The following CAMK1D variants were observed in gnomAD, a reference collection of about 807,000 sequenced individuals.
The protein encoded by CAMK1D is calcium/calmodulin dependent protein kinase ID.
In CAMK1D, 9 loss-of-function variants were observed where a neutral mutation model predicts 47.7. That is an observed-to-expected ratio of 0.19 (90% confidence interval 0.11 to 0.33). The LOEUF (loss-of-function observed/expected upper bound fraction) is 0.33, where lower values mean the gene tolerates loss of function less well. CAMK1D is among the 10% of genes least tolerant of loss of function. CAMK1D has a pLI of 1.00. For synonymous variants in CAMK1D, 184 were observed against 184.9 expected (o/e 0.99, Z 0.04); for missense variants, 291 against 488.7 (o/e 0.60, Z 3.81).
chr10:12,639,911 G>A (rs1202608671), intron 2 of CAMK1D, among the ~76,000 whole-genome samples: 2 of 152,004 alleles, frequency 1.3e-5, no homozygotes, highest in Non-Finnish European at 1.5e-5. Context: ...GCTTCTATGC[G>A]CCTGGAATTC....
intron 1 of CAMK1D, among the ~76,000 whole-genome samples, chr10:12,416,905 C>T (rs1489918310): frequency 1.3e-5 from 2 of 152,130 alleles, no homozygotes; most frequent in African/African-American, 2.4e-5. Flanking sequence ...TGGTAGACTC[C>T]CTAAAAACCT....
chr10:12,629,186 C>T (rs1430615577), intron 2 of CAMK1D, among the ~76,000 whole-genome samples: 2 of 152,210 alleles, frequency 1.3e-5, no homozygotes, highest in Non-Finnish European at 2.9e-5. Context: ...CTTTAATCTC[C>T]ACTCCACTGT....
At chr10:12,747,426 C>G (rs1835737898) in intron 3 of CAMK1D, among the ~76,000 whole-genome samples, 1 of 152,140 alleles carries the variant, frequency 6.6e-6, no homozygotes, top group Non-Finnish European at 1.5e-5. Context: ...TTGTCTCAGC[C>G]TCTTGAATAG....
chr10:12,831,715 A>G lies in CAMK1D; in HGVS notation c.*2828A>G, dbSNP rs1455823148. On this transcript the variant is annotated 3_prime_UTR_variant, in exon 11 of 11. Coordinates refer to ENST00000619168, the MANE Select transcript of CAMK1D (RefSeq NM_153498.4). ...TCAGCCCAAGAGTCAACTGTTGAGC[A>G]TGACATCAGGAAGCCTGTACTGTCC... 1 of 152,256 alleles carries G rather than the reference A, an allele frequency of 6.6e-6. No individual in the cohort carries two copies. The highest frequency in any genetic ancestry group is 2.4e-5 in the African/African-American group (1 of 41,468). 9.4% of individuals were successfully genotyped at this position (152,256 alleles called of 1,614,324 possible). A position where few individuals can be genotyped will look rare whatever the true frequency, so the allele number is the denominator to read the frequency against.
chr10:12,814,395 G>C (rs1832721265), intron 7 of CAMK1D, 88 bp downstream of exon 7: 1 of 788,936 alleles, frequency 1.3e-6, no homozygotes, highest in Non-Finnish European at 2.2e-6. Flanking sequence ...AGGGGACCCT[G>C]GGGGGCTCAG....
chr10:12,675,423 A>G (rs545141046), intron 3 of CAMK1D, among the ~76,000 whole-genome samples: 6 of 152,224 alleles, frequency 3.9e-5, no homozygotes, highest in East Asian at 1.9e-4. Flanking sequence ...CCTGCTGTCT[A>G]TCTCATCTTA....
intron 3 of CAMK1D, among the ~76,000 whole-genome samples, chr10:12,674,883 T>C (rs1840752638): frequency 6.6e-6 from 1 of 151,604 alleles, no homozygotes; most frequent in African/African-American, 2.4e-5. Context: ...AATACAAAAA[T>C]TAGCTCGGTG....
intron 2 of CAMK1D, among the ~76,000 whole-genome samples, chr10:12,612,259 C>T (rs996816574): frequency 6.6e-5 from 10 of 151,708 alleles, no homozygotes; most frequent in Admixed American, 2.6e-4. Flanking sequence ...AAAATAACTT[C>T]GGAGGGAGAG....
At chr10:12,691,873 G>A (rs185201549) in intron 3 of CAMK1D, among the ~76,000 whole-genome samples, 11 of 152,206 alleles carry the variant, frequency 7.2e-5, no homozygotes, top group Admixed American at 4.6e-4. Flanking sequence ...TGTAATTCGC[G>A]TTACATTTAT....
intron 2 of CAMK1D, among the ~76,000 whole-genome samples, chr10:12,625,337 A>C (rs1284374279): frequency 8.9e-6 from 1 of 112,284 alleles, no homozygotes; most frequent in Non-Finnish European, 1.6e-5. Flanking sequence ...CTCCATGTAC[A>C]AAAAAAAAAA....
chr10:12,534,452 C>A (rs1835906441), intron 1 of CAMK1D, among the ~76,000 whole-genome samples: 2 of 152,212 alleles, frequency 1.3e-5, no homozygotes, highest in African/African-American at 4.8e-5. Flanking sequence ...CTGCTACCTC[C>A]ACCTCCTGGG....
intron 4 of CAMK1D, among the ~76,000 whole-genome samples, chr10:12,767,336 C>T (rs1836814155): frequency 6.6e-6 from 1 of 152,074 alleles, no homozygotes; most frequent in Non-Finnish European, 1.5e-5. Flanking sequence ...CGCCACCATG[C>T]CTGGGTAATT....
chr10:12,685,950 C>G (rs1832643382), intron 3 of CAMK1D, among the ~76,000 whole-genome samples: 1 of 152,180 alleles, frequency 6.6e-6, no homozygotes, highest in Non-Finnish European at 1.5e-5. Flanking sequence ...CCAGCACTTC[C>G]AGACTACAGC....
chr10:12,606,020 T>G (rs1220903667), intron 2 of CAMK1D, among the ~76,000 whole-genome samples: 1 of 152,218 alleles, frequency 6.6e-6, no homozygotes, highest in African/African-American at 2.4e-5. Flanking sequence ...TAGGCCTGAC[T>G]TCTAGGGCAC....
chr10:12,417,743 T>C (rs1409278347), intron 1 of CAMK1D, among the ~76,000 whole-genome samples: 3 of 151,878 alleles, frequency 2.0e-5, no homozygotes, highest in East Asian at 1.9e-4. Context: ...TACACTCTTA[T>C]GTGGAAGGCC....
intron 2 of CAMK1D, among the ~76,000 whole-genome samples, chr10:12,583,646 G>C (rs7913605): frequency 0.031 from 4,623 of 149,606 alleles, 232 homozygotes; most frequent in African/African-American, 0.11. Context: ...TCTGTCACCA[G>C]GCTGGAGTGC....
chr10:12,754,407 C>T (rs1836135476), intron 3 of CAMK1D, among the ~76,000 whole-genome samples: 1 of 152,148 alleles, frequency 6.6e-6, no homozygotes, highest in African/African-American at 2.4e-5. Context: ...TGTCTGGCTC[C>T]ATACAGGATC....
intron 1 of CAMK1D, among the ~76,000 whole-genome samples, chr10:12,479,475 C>T (rs1239253134): frequency 3.3e-5 from 5 of 152,268 alleles, no homozygotes; most frequent in South Asian, 4.2e-4. Flanking sequence ...GGATTATAGG[C>T]GCCAGCACCG....
intron 2 of CAMK1D, among the ~76,000 whole-genome samples, chr10:12,626,035 A>G (rs559629992): frequency 3.9e-5 from 6 of 152,328 alleles, no homozygotes; most frequent in African/African-American, 1.2e-4. Flanking sequence ...CAAAAGTTAT[A>G]TCTACTGCAC....
Sources: allele counts gnomAD v4.1 joint callset (sites outside exome capture counted in the v4.1 genomes callset), GRCh38; gene constraint gnomAD v4.1.1; transcripts MANE v1.5; gene names NCBI Gene and HGNC (gene_info 2026-07-23, HGNC 2026-07-21).